Variants in ATP6V0A4 observed in about 807,000 individuals in gnomAD.
ATP6V0A4 encodes the protein ATPase H+ transporting V0 subunit a4, also known as V-type proton ATPase 116 kDa subunit a 4.
ATP6V0A4 carries 86 observed loss-of-function variants against 107.3 expected under a neutral mutation model. The observed-to-expected ratio is 0.80, with a 90% CI of 0.67 to 0.96. ATP6V0A4 has a LOEUF of 0.96. Among genes scored for constraint, ATP6V0A4 ranks in the 40% least tolerant of loss-of-function variants. The pLI is 0.00. For synonymous variants in ATP6V0A4, 353 were observed against 381.4 expected (o/e 0.93, Z 0.87); for missense variants, 908 against 1,045.6 (o/e 0.87, Z 1.81).
intron 2 of ATP6V0A4, among the ~76,000 whole-genome samples, chr7:138,778,543 G>A (rs1202610900): frequency 2.0e-5 from 3 of 151,976 alleles, no homozygotes; most frequent in Non-Finnish European, 2.9e-5. Context: ...TGTATATTCC[G>A]GACTCAGTGC....
intron 14 of ATP6V0A4, among the ~76,000 whole-genome samples, chr7:138,740,489 C>G (rs999893143): frequency 1.3e-5 from 2 of 148,994 alleles, no homozygotes; most frequent in Admixed American, 1.3e-4. Flanking sequence ...TGCAATGGCA[C>G]GATCTTGGCT....
chr7:138,718,688 G>T, intron 19 of ATP6V0A4, among the ~76,000 whole-genome samples: 1 of 129,178 alleles, frequency 7.7e-6, no homozygotes, highest in Admixed American at 7.6e-5. Flanking sequence ...GGGGGGGGGG[G>T]TGCAGTCACG....
At chr7:138,719,757 C>T (rs568811725) in intron 19 of ATP6V0A4, among the ~76,000 whole-genome samples, 26 of 152,252 alleles carry the variant, frequency 1.7e-4, no homozygotes, top group African/African-American at 3.1e-4. Flanking sequence ...CGGTGGCTCA[C>T]GCCTGTAATC....
At chr7:138,717,635 C>T (rs1804114294) in intron 19 of ATP6V0A4, among the ~76,000 whole-genome samples, 1 of 151,110 alleles carries the variant, frequency 6.6e-6, no homozygotes, top group East Asian at 2.0e-4. Context: ...AGGCCGGGCA[C>T]GGTGGCTCAT....
At position 138,762,984 on chromosome 7, in the gene ATP6V0A4, G is replaced by A; in HGVS notation, c.333C>T (p.Asn111=). The change falls in exon 6 of 22, where the codon AAC becomes AAT. Residue 111 remains asparagine (N), a synonymous_variant. Transcript: ENST00000310018. ...EKLEGELQEA[N]QNQQALKQSF... ...TTTGTTTCAAGGCCTGCTGGTTCTG[G>A]TTGGCTTCCTGTAACTCTCCTTCCA... is the stretch of plus-strand genomic sequence containing the variant. The A allele has an allele frequency of 6.2e-7, 1 of 1,614,086 alleles. No homozygotes were observed. The highest frequency in any genetic ancestry group is 8.5e-7 in the Non-Finnish European group (1 of 1,180,036).
rs1307781678 is a variant in ATP6V0A4 at position 138,749,269 on chromosome 7, T to G, written c.1078A>C (p.Lys360Gln). The change falls in exon 12 of 22, where the codon AAA (lysine) becomes CAA (glutamine). Residue 360 changes from lysine (K) to glutamine (Q), a missense_variant. Lys to Gln is a moderately conservative substitution (Grantham distance 53, BLOSUM62 1). Transcript: ENST00000310018. ...CTGTTAAATGTGGGAGGGGCTGTTT[T>G]AGATTGCACTGTGGTCATGATGGGG... ...MAPIMTTVQS[K>Q]TAPPTFNRTN... 2 of 1,613,830 alleles carry G rather than the reference T, an allele frequency of 1.2e-6. No individual in the cohort carries two copies. The highest frequency in any genetic ancestry group is 1.7e-6 in the Non-Finnish European group (2 of 1,179,976).
At chr7:138,777,705 G>T (rs1157833589) in intron 2 of ATP6V0A4, among the ~76,000 whole-genome samples, 1 of 149,574 alleles carries the variant, frequency 6.7e-6, no homozygotes, top group Non-Finnish European at 1.5e-5. Flanking sequence ...AAAGGGAGTA[G>T]AAATACTTTT....
At position 138,718,001 on chromosome 7, in the gene ATP6V0A4, G is replaced by A. The variant is rs978975298; in HGVS notation, c.2140-2120C>T. ...AGATCAAAGAAGCTAGAGCAGTCAC[G>A]CTGCAGTCACAGATGTCTGCGGAGG... is the stretch of plus-strand genomic sequence containing the variant. On this transcript the variant is annotated intron_variant, in intron 19 of 21. Coordinates refer to ENST00000310018, the MANE Select transcript of ATP6V0A4 (RefSeq NM_020632.3). 1.1e-4 allele frequency among the ~76,000 whole-genome samples: 16 copies of A among 151,266 alleles called. No homozygotes were observed. The East Asian group carries it at 3.1e-3, about 30-fold the overall frequency.
At chr7:138,729,155 G>A (rs1023804413) in intron 17 of ATP6V0A4, among the ~76,000 whole-genome samples, 4 of 152,228 alleles carry the variant, frequency 2.6e-5, no homozygotes, top group East Asian at 1.9e-4. Context: ...CAAGAAGTAC[G>A]CATGAAACAT....
At chr7:138,714,674 C>T (rs1157897599) in intron 20 of ATP6V0A4, among the ~76,000 whole-genome samples, 1 of 152,212 alleles carries the variant, frequency 6.6e-6, no homozygotes, top group Non-Finnish European at 1.5e-5. Context: ...GTGGTGAGCA[C>T]TTCCTGAGGG....
chr7:138,737,113 T>TG (rs71531977), intron 15 of ATP6V0A4, among the ~76,000 whole-genome samples: 2 of 113,044 alleles, frequency 1.8e-5, no homozygotes, highest in African/African-American at 6.7e-5. Context: ...TAAGCCCTTA[T>TG]TAATATATAT....
intron 18 of ATP6V0A4, among the ~76,000 whole-genome samples, chr7:138,723,677 C>G (rs968441831): frequency 1.3e-5 from 2 of 151,912 alleles, no homozygotes; most frequent in Non-Finnish European, 2.9e-5. Context: ...AAGCACCCAC[C>G]ACCACGCCCA....
At chr7:138,792,472 A>G (rs1808459788) in intron 1 of ATP6V0A4, among the ~76,000 whole-genome samples, 1 of 152,242 alleles carries the variant, frequency 6.6e-6, no homozygotes, top group African/African-American at 2.4e-5. Flanking sequence ...AAAGGAATGC[A>G]TGTCGTAATC....
At chr7:138,788,908 G>T (rs7780517) in intron 1 of ATP6V0A4, among the ~76,000 whole-genome samples, 88,849 of 152,050 alleles carry the variant, frequency 0.58, 26,399 homozygotes, top group African/African-American at 0.67. Flanking sequence ...TGTGAGTTCA[G>T]TAAACCTCTT....
At chr7:138,784,245 TATATATACATATATATATATAC>T (rs1563020819) in intron 2 of ATP6V0A4, among the ~76,000 whole-genome samples, 1 of 31,496 alleles carries the variant, frequency 3.2e-5, no homozygotes, top group Non-Finnish European at 6.5e-5. Context: ...CGTATATATA[TATATATACATATATATATATAC>T]ATATATATAT....
chr7:138,727,771 G>C (rs1408588406), intron 18 of ATP6V0A4, among the ~76,000 whole-genome samples: 1 of 152,168 alleles, frequency 6.6e-6, no homozygotes, highest in Non-Finnish European at 1.5e-5. Context: ...AGCAGAGAAC[G>C]ACCATCTCAA....
At position 138,734,194 on chromosome 7, in the gene ATP6V0A4, C is replaced by A. The variant is rs756228070; in HGVS notation, c.1633G>T (p.Val545Leu). 4.3e-6 allele frequency: 7 copies of A among 1,613,718 alleles called. No individual in the cohort carries two copies. ...FLNSYKMKMSVILGIVQMVFG... is the reference protein window; with the variant it reads ...FLNSYKMKMSLILGIVQMVFG... ...ACCATCTGGACAATTCCCAGGATCACCGACATCTTCATTTTATACGAGTTC... is the reference window on the plus strand; with the variant it reads ...ACCATCTGGACAATTCCCAGGATCAACGACATCTTCATTTTATACGAGTTC... The change falls in exon 16 of 22, where the codon GTG (valine) becomes TTG (leucine). Residue 545 changes from valine to leucine, a missense_variant. Transcript: ENST00000310018.
At position 138,715,818 on chromosome 7, in the gene ATP6V0A4, T is replaced by G. The variant is rs749525570; in HGVS notation, c.2203A>C (p.Ile735Leu). 2.5e-6 allele frequency: 4 copies of G among 1,613,816 alleles called. No homozygotes were observed. In the South Asian group the frequency reaches 3.3e-5, roughly 13 times the overall value. Residue 735 changes from isoleucine to leucine, a missense_variant, in exon 20 of 22, where the codon ATT becomes CTT. Coordinates refer to ENST00000310018, the MANE Select transcript of ATP6V0A4 (RefSeq NM_020632.3). The stretch of plus-strand genomic sequence containing the variant: ...CGCAGGTAGGAGGCTGTGTTTGAAA[T>G]GCAGCCCAGGCAGTACTCGATGGTG... ...IHTIEYCLGC[I>L]SNTASYLRLW...
chr7:138,728,649 C>A, intron 18 of ATP6V0A4, 112 bp downstream of exon 18: 1 of 1,464,328 alleles, frequency 6.8e-7, no homozygotes, highest in South Asian at 1.1e-5. Flanking sequence ...TCCTCAACAC[C>A]ATTCTTCTGG....
Sources: gnomAD v4.1 joint callset for allele counts (sites outside exome capture counted in the v4.1 genomes callset) on GRCh38, gnomAD v4.1.1 for gene constraint, MANE v1.5 for transcripts, NCBI Gene and HGNC (gene_info 2026-07-23, HGNC 2026-07-21) for gene names.